ECHDC1: variants seen among roughly 807,000 people sequenced by gnomAD.
ECHDC1 encodes the protein ethylmalonyl-CoA decarboxylase.
Under a neutral mutation model 29.7 loss-of-function variants are expected in ECHDC1, and 29 were observed. The ratio of observed to expected loss-of-function variants is 0.98; its 90% CI spans 0.73 to 1.33. ECHDC1 has a LOEUF of 1.33. Ranked by LOEUF, ECHDC1 falls within the 40% of genes most tolerant of loss-of-function variation. The pLI is 0.00. For missense variants in ECHDC1, 328 were observed against 350.0 expected (o/e 0.94, Z 0.50); for synonymous variants, 126 against 123.1 (o/e 1.02, Z -0.15).
intron 5 of ECHDC1, among the ~76,000 whole-genome samples, chr6:127,304,831 G>A (rs866457545): frequency 5.3e-5 from 8 of 152,202 alleles, no homozygotes; most frequent in South Asian, 4.1e-4. Context: ...GAAAGAATTA[G>A]TGAGCTTGAA....
At chr6:127,290,408 GAA>G in intron 5 of ECHDC1, 131 bp from the exon 6 acceptor site, 1 of 870,310 alleles carries the variant, frequency 1.1e-6, no homozygotes, top group East Asian at 2.7e-5. Flanking sequence ...AACAATGTTT[GAA>G]AAATATGGCT....
intron 5 of ECHDC1, among the ~76,000 whole-genome samples, chr6:127,297,655 G>C (rs565899174): frequency 2.0e-5 from 3 of 152,312 alleles, no homozygotes; most frequent in Admixed American, 6.5e-5. Context: ...GGCTCTGTGG[G>C]AACCTGCAAA....
chr6:127,322,386 C>G lies in ECHDC1; in HGVS notation c.363+4616G>C, dbSNP rs190589581. Among the ~76,000 whole-genome samples the G allele has an allele frequency of 3.9e-5, 6 of 152,214 alleles. No individual in the cohort carries two copies. In the East Asian group the frequency reaches 1.2e-3, roughly 29 times the overall value. On this transcript the variant is annotated intron_variant, in intron 3 of 5. Transcript: ENST00000454859. ...CATACTCATTGTAAAGCAGATTCAC[C>G]ATTCCACATTTCCTTGATAAGACTG...
At chr6:127,308,080 G>A (rs558022519) in intron 5 of ECHDC1, among the ~76,000 whole-genome samples, 3 of 152,138 alleles carry the variant, frequency 2.0e-5, no homozygotes, top group African/African-American at 7.2e-5. Flanking sequence ...AAGAACTAAT[G>A]GCAATCCTAC....
chr6:127,342,208 G>T, intron 1 of ECHDC1: 1 of 779,216 alleles, frequency 1.3e-6, no homozygotes, highest in Non-Finnish European at 1.9e-6. Flanking sequence ...GCTGTAATTA[G>T]TTTTTTAACC....
chr6:127,324,624 G>A (rs762688421), intron 3 of ECHDC1, among the ~76,000 whole-genome samples: 2 of 152,044 alleles, frequency 1.3e-5, no homozygotes, highest in Admixed American at 6.6e-5. Flanking sequence ...AGAAATCACC[G>A]ATTATATAAT....
intron 5 of ECHDC1, among the ~76,000 whole-genome samples, chr6:127,290,496 G>A (rs922084996): frequency 2.0e-5 from 3 of 151,874 alleles, no homozygotes; most frequent in African/African-American, 7.3e-5. Context: ...TGTTGTGCTT[G>A]TTTACCCTTT....
At chr6:127,291,471 A>G (rs1780176812) in intron 5 of ECHDC1, among the ~76,000 whole-genome samples, 1 of 151,992 alleles carries the variant, frequency 6.6e-6, no homozygotes, top group Admixed American at 6.6e-5. Flanking sequence ...TAACGGGTTC[A>G]TTTTCCCCAG....
At chr6:127,320,059 C>T (rs1469447271) in intron 3 of ECHDC1, among the ~76,000 whole-genome samples, 1 of 152,036 alleles carries the variant, frequency 6.6e-6, no homozygotes, top group Non-Finnish European at 1.5e-5. Flanking sequence ...GCTCTGTCTC[C>T]CAGGCTGAAG....
chr6:127,341,776 C>A, intron 1 of ECHDC1: 1 of 152,380 alleles, frequency 6.6e-6, no homozygotes. Context: ...ACCTGTTTCA[C>A]CTTATACTGT....
At chr6:127,290,376 C>T in intron 5 of ECHDC1, 99 bp from the exon 6 acceptor site, 1 of 1,220,260 alleles carries the variant, frequency 8.2e-7, no homozygotes, top group South Asian at 1.7e-5. Context: ...CTCCATAGAT[C>T]TTTATAGGTA....
chr6:127,317,025 T>G (rs1486610062), intron 3 of ECHDC1, among the ~76,000 whole-genome samples: 2 of 152,156 alleles, frequency 1.3e-5, no homozygotes, highest in Admixed American at 6.6e-5. Context: ...CAATCCAGTG[T>G]AATCTGGCCC....
chr6:127,306,175 G>T (rs943064514), intron 5 of ECHDC1, among the ~76,000 whole-genome samples: 2 of 152,034 alleles, frequency 1.3e-5, no homozygotes, highest in African/African-American at 2.4e-5. Flanking sequence ...AGACAAAATA[G>T]ATTTCAAGAC....
chr6:127,334,838 T>A (rs940852703), intron 1 of ECHDC1, among the ~76,000 whole-genome samples: 1 of 151,514 alleles, frequency 6.6e-6, no homozygotes, highest in African/African-American at 2.4e-5. Flanking sequence ...CCCAGCTCAG[T>A]ATACTGCAAT....
chr6:127,314,965 T>A (rs762001020), intron 4 of ECHDC1, 69 bp from the exon 5 acceptor site: 61 of 1,434,450 alleles, frequency 4.3e-5, no homozygotes, highest in Middle Eastern at 1.7e-4. Context: ...TGTTATTTTT[T>A]AAAAAATCTT....
At chr6:127,316,895 A>T (rs1247032560) in intron 3 of ECHDC1, among the ~76,000 whole-genome samples, 3 of 116,818 alleles carry the variant, frequency 2.6e-5, no homozygotes, top group Non-Finnish European at 4.8e-5. Context: ...TTTGATTTTT[A>T]AAAAAATATT....
chr6:127,332,457 G>C (rs75880289), intron 1 of ECHDC1, among the ~76,000 whole-genome samples: 3,644 of 152,068 alleles, frequency 0.024, 65 homozygotes, highest in East Asian at 0.1. Flanking sequence ...GGTGGTCGGG[G>C]TATGACTTGA....
chr6:127,308,834 A>G (rs760706585), intron 5 of ECHDC1, among the ~76,000 whole-genome samples: 3 of 152,226 alleles, frequency 2.0e-5, no homozygotes, highest in Non-Finnish European at 2.9e-5. Flanking sequence ...TTTGAAAAAG[A>G]AATCAAAACA....
chr6:127,333,667 A>ACACACACT (rs1491241009), intron 1 of ECHDC1, among the ~76,000 whole-genome samples: 4 of 15,806 alleles, frequency 2.5e-4, no homozygotes, highest in African/African-American at 7.3e-4. Flanking sequence ...TCTTTCTCTT[A>ACACACACT]CACACACACA....
Sources: gnomAD v4.1 joint callset for allele counts (sites outside exome capture counted in the v4.1 genomes callset) on GRCh38, gnomAD v4.1.1 for gene constraint, MANE v1.5 for transcripts, NCBI Gene and HGNC (gene_info 2026-07-23, HGNC 2026-07-21) for gene names.